The following CNTNAP2 variants were observed in gnomAD, a reference collection of about 807,000 sequenced individuals.
CNTNAP2 encodes the protein contactin associated protein 2, also known as contactin-associated protein-like 2.
A neutral mutation model predicts 155.2 loss-of-function variants in CNTNAP2; 98 were observed. The ratio of observed to expected loss-of-function variants is 0.63; its 90% CI spans 0.54 to 0.75. The LOEUF is 0.75. CNTNAP2 is among the 30% of genes least tolerant of loss of function. The probability of loss-of-function intolerance (pLI) is 0.00; values close to 1 mark genes in which losing one functional copy is unlikely to be tolerated. For synonymous variants in CNTNAP2, 651 were observed against 631.2 expected (o/e 1.03, Z -0.47); for missense variants, 1,727 against 1,688.1 (o/e 1.02, Z -0.40).
rs1490418389 is a variant in CNTNAP2 at position 148,106,493 on chromosome 7, G to GATAGATAGATATATATATATATAT, written c.2384-11622_2384-11621insGATAGATATATATATATATATATA. Among the ~76,000 whole-genome samples, 244 of 124,898 alleles carry GATAGATAGATATATATATATATAT rather than the reference G, an allele frequency of 2.0e-3. 2 individuals carry two copies. The highest frequency in any genetic ancestry group is 4.2e-3 in the African/African-American group (122 of 28,988). The allele number at this position is 124,898 out of a possible 152,430, so 81.9% of individuals were successfully genotyped here. On this transcript the variant is annotated intron_variant, in intron 15 of 23. Coordinates refer to ENST00000361727, the MANE Select transcript of CNTNAP2 (RefSeq NM_014141.6). ...CACTTCAGTGTACTGCACACTTTGA[G>GATAGATAGATATATATATATATAT]ATATATATATATATATATATATATA...
intron 9 of CNTNAP2, among the ~76,000 whole-genome samples, chr7:147,367,853 A>G (rs1209064512): frequency 6.6e-6 from 1 of 151,684 alleles, no homozygotes; most frequent in Non-Finnish European, 1.5e-5. Flanking sequence ...GGTTAATGCC[A>G]TGGACCATTG....
intron 12 of CNTNAP2, among the ~76,000 whole-genome samples, chr7:147,603,859 G>A (rs1317097452): frequency 1.3e-5 from 2 of 152,070 alleles, no homozygotes; most frequent in Non-Finnish European, 2.9e-5. Flanking sequence ...GCATGGTACT[G>A]GTACTAAAAC....
At chr7:147,170,418 G>A (rs1175235094) in intron 8 of CNTNAP2, among the ~76,000 whole-genome samples, 1 of 151,500 alleles carries the variant, frequency 6.6e-6, no homozygotes, top group Non-Finnish European at 1.5e-5. Context: ...ACTGTGCCGT[G>A]GCTTTGTTTG....
intron 1 of CNTNAP2, among the ~76,000 whole-genome samples, chr7:146,151,431 T>C (rs943800179): frequency 3.3e-5 from 5 of 151,284 alleles, no homozygotes; most frequent in African/African-American, 1.2e-4. Context: ...ACCATTCTAC[T>C]CTCTGCTTTA....
At chr7:147,315,599 AG>A (rs1328677125) in intron 9 of CNTNAP2, among the ~76,000 whole-genome samples, 7 of 149,368 alleles carry the variant, frequency 4.7e-5, no homozygotes, top group Admixed American at 4.1e-4. Context: ...CTCCTGCCTC[AG>A]CCTCCTGAGT....
intron 1 of CNTNAP2, among the ~76,000 whole-genome samples, chr7:146,337,851 A>C (rs1801304966): frequency 6.6e-6 from 1 of 152,188 alleles, no homozygotes; most frequent in Non-Finnish European, 1.5e-5. Flanking sequence ...GCACAATTAT[A>C]CCTTACACAT....
At chr7:146,791,415 C>T (rs926642880) in intron 2 of CNTNAP2, among the ~76,000 whole-genome samples, 2 of 152,128 alleles carry the variant, frequency 1.3e-5, no homozygotes, top group Admixed American at 6.5e-5. Context: ...GTGCATGTGT[C>T]TTTATAGTAG....
intron 8 of CNTNAP2, among the ~76,000 whole-genome samples, chr7:147,188,082 G>C (rs925112896): frequency 6.6e-6 from 1 of 151,988 alleles, no homozygotes; most frequent in African/African-American, 2.4e-5. Context: ...TAAATAAAAT[G>C]AGAGAAAAAA....
intron 11 of CNTNAP2, among the ~76,000 whole-genome samples, chr7:147,522,212 C>T (rs914711149): frequency 3.3e-5 from 5 of 152,168 alleles, no homozygotes; most frequent in Non-Finnish European, 7.3e-5. Flanking sequence ...CCTCTTACCA[C>T]CAGCTTAGGG....
At chr7:147,245,993 T>G (rs1325860306) in intron 8 of CNTNAP2, among the ~76,000 whole-genome samples, 1 of 147,172 alleles carries the variant, frequency 6.8e-6, no homozygotes, top group African/African-American at 2.6e-5. Context: ...ATATTTACAA[T>G]TCTGTAAAAT....
intron 11 of CNTNAP2, 114 bp from the exon 12 acceptor site, chr7:147,562,024 G>A (rs1800073120): frequency 1.5e-6 from 2 of 1,359,158 alleles, no homozygotes; most frequent in Non-Finnish European, 2.1e-6. Flanking sequence ...CTCTTTCCAG[G>A]AAGAACTACT....
At chr7:146,977,674 A>G (rs983978389) in intron 3 of CNTNAP2, among the ~76,000 whole-genome samples, 1 of 152,302 alleles carries the variant, frequency 6.6e-6, no homozygotes, top group Middle Eastern at 3.4e-3. Flanking sequence ...AAAAACTGGC[A>G]TTTGATGTGG....
chr7:147,779,023 GCTAGCATGAGAAATACA>G (rs1797628223), intron 13 of CNTNAP2, among the ~76,000 whole-genome samples: 1 of 152,054 alleles, frequency 6.6e-6, no homozygotes, highest in South Asian at 2.1e-4. Context: ...TAAAAATAAG[GCTAGCATGAGAAATACA>G]CAAATTACTC....
chr7:147,333,276 T>C (rs926537731), intron 9 of CNTNAP2, among the ~76,000 whole-genome samples: 1 of 152,206 alleles, frequency 6.6e-6, no homozygotes, highest in African/African-American at 2.4e-5. Context: ...AACTTGATGG[T>C]GAGAACTCTC....
At chr7:146,434,432 T>A (rs1320833837) in intron 1 of CNTNAP2, among the ~76,000 whole-genome samples, 2 of 152,208 alleles carry the variant, frequency 1.3e-5, no homozygotes, top group African/African-American at 4.8e-5. Flanking sequence ...CACAGCAGTC[T>A]GAAACTTTCA....
chr7:147,889,818 C>G (rs1799657894), intron 13 of CNTNAP2, among the ~76,000 whole-genome samples: 1 of 152,152 alleles, frequency 6.6e-6, no homozygotes, highest in South Asian at 2.1e-4. Context: ...ACTGGGCAAC[C>G]CAGATAGGAT....
Position 146,302,448 on chromosome 7 carries a change from A to G in CNTNAP2, c.97+185475A>G, listed in dbSNP as rs147192326. Among the ~76,000 whole-genome samples the G allele has an allele frequency of 1.4e-3, 220 of 152,274 alleles. 1 individual carries two copies. Among genetic ancestry groups the G allele is most frequent in the African/African-American group, 4.6e-3 (193 of 41,566 alleles). ...TATGGCAGAAATATTAACAGCTGAC[A>G]CATATAGTATCTATTCTATTTCAGA... is the stretch of plus-strand genomic sequence containing the variant. On this transcript the variant is annotated intron_variant, in intron 1 of 23. Transcript: ENST00000361727.
chr7:146,641,576 C>G (rs1294692365), intron 1 of CNTNAP2, among the ~76,000 whole-genome samples: 1 of 152,098 alleles, frequency 6.6e-6, no homozygotes, highest in Non-Finnish European at 1.5e-5. Flanking sequence ...CAGCTTCAAT[C>G]TTTAGCTCTT....
chr7:147,437,498 A>G lies in CNTNAP2; in HGVS notation c.1670+41718A>G, dbSNP rs77804502. On this transcript the variant is annotated intron_variant, in intron 10 of 23. Coordinates refer to ENST00000361727, the MANE Select transcript of CNTNAP2 (RefSeq NM_014141.6). ...TGTAGGTTCTTGGCATCTTTGTCCAACATTTCATAGTAGGTGTATAAATTT... is the reference window on the plus strand; with the variant it reads ...TGTAGGTTCTTGGCATCTTTGTCCAGCATTTCATAGTAGGTGTATAAATTT... Among the ~76,000 whole-genome samples the G allele has an allele frequency of 9.2e-5, 14 of 152,214 alleles. No individual in the cohort carries two copies. The East Asian group carries it at 2.5e-3, about 27-fold the overall frequency.
Sources: gnomAD v4.1 joint callset for allele counts (sites outside exome capture counted in the v4.1 genomes callset) on GRCh38, gnomAD v4.1.1 for gene constraint, MANE v1.5 for transcripts, NCBI Gene and HGNC (gene_info 2026-07-23, HGNC 2026-07-21) for gene names.